Variants in PDE2A observed in about 807,000 individuals in gnomAD.
The protein encoded by PDE2A is cGMP-dependent 3',5'-cyclic phosphodiesterase.
Under a neutral mutation model 133.6 loss-of-function variants are expected in PDE2A, and 53 were observed. That is an observed-to-expected ratio of 0.40 (90% CI 0.32 to 0.50). The LOEUF (loss-of-function observed/expected upper bound fraction) is 0.50. Ranked by LOEUF, PDE2A falls within the 20% of genes least tolerant of loss-of-function variation. PDE2A has a pLI of 0.73. For missense variants in PDE2A, 796 were observed against 1,232.4 expected (o/e 0.65, Z 5.30); for synonymous variants, 491 against 490.2 (o/e 1.00, Z -0.02).
Position 72,631,130 on chromosome 11 carries a change from T to C in PDE2A, c.144+11124A>G. On this transcript the variant is annotated intron_variant, in intron 2 of 30. Coordinates refer to ENST00000334456, the MANE Select transcript of PDE2A (RefSeq NM_002599.5). Reference sequence around the variant, plus strand: ...GGGTCCTGGCTCCTTTGCAAGGGGGTCCAGGCTGGCTGCAGAGACAAGAAG... The same window carrying C: ...GGGTCCTGGCTCCTTTGCAAGGGGGCCCAGGCTGGCTGCAGAGACAAGAAG... The C allele has an allele frequency of 1.9e-6, 3 of 1,543,146 alleles. No homozygotes were observed. In the African/African-American group the frequency reaches 4.1e-5, roughly 21 times the overall value.
chr11:72,619,079 C>A (rs1462648975), intron 2 of PDE2A, among the ~76,000 whole-genome samples: 1 of 152,170 alleles, frequency 6.6e-6, no homozygotes, highest in Admixed American at 6.5e-5. Context: ...CACGCACACA[C>A]TGGGCTGGGT....
At chr11:72,650,876 TACACAC>T (rs58905066) in intron 1 of PDE2A, among the ~76,000 whole-genome samples, 12,148 of 130,092 alleles carry the variant, frequency 0.093, 652 homozygotes, top group African/African-American at 0.19. Flanking sequence ...CAGTCCCCAC[TACACAC>T]ACACACACAC....
In PDE2A at chr11:72,577,556, T is replaced by A. The variant is rs769222398; in HGVS notation, c.2654A>T (p.Tyr885Phe). 1 of 1,607,016 alleles carries A rather than the reference T, an allele frequency of 6.2e-7. No individual in the cohort carries two copies. Among genetic ancestry groups the A allele is most frequent in the South Asian group, 1.1e-5 (1 of 91,084 alleles). ...CTCACGGTTGGAGGCCACGCGCTCG[T>A]ACAGCTCTGCCGCTTTGGGGAACAG... ...QDLFPKAAELYERVASNREHW... is the reference protein window; with the variant it reads ...QDLFPKAAELFERVASNREHW... The change falls in exon 31 of 31, where the codon TAC (tyrosine) becomes TTC (phenylalanine). Residue 885 changes from tyrosine to phenylalanine, a missense_variant. Around this residue, in one of 7 missense-constraint regions of PDE2A, gnomAD observed 83 missense variants for 99.0 expected, o/e 0.84. Transcript: ENST00000334456.
intron 1 of PDE2A, among the ~76,000 whole-genome samples, chr11:72,645,868 C>T (rs1044252848): frequency 2.0e-5 from 3 of 152,356 alleles, no homozygotes; most frequent in Middle Eastern, 6.8e-3. Context: ...TCACACTTCA[C>T]AGATAAGGAA....
In PDE2A at chr11:72,580,989, A is replaced by C; in HGVS notation, c.2046-16T>G. 1 of 1,575,510 alleles carries C rather than the reference A, an allele frequency of 6.3e-7. No homozygotes were observed. The highest frequency in any genetic ancestry group is 8.7e-7 in the Non-Finnish European group (1 of 1,144,940). On this transcript the variant is annotated splice_polypyrimidine_tract_variant and intron_variant, in intron 23 of 30. Transcript: ENST00000334456. ...CTCGATGTCCCTGGTTGAGAGGCAGAAAGGAGAAAAAAAAGAGGTCAGCCC... is the reference window on the plus strand; with the variant it reads ...CTCGATGTCCCTGGTTGAGAGGCAGCAAGGAGAAAAAAAAGAGGTCAGCCC...
chr11:72,635,158 C>T (rs1858617482), intron 2 of PDE2A, among the ~76,000 whole-genome samples: 1 of 152,146 alleles, frequency 6.6e-6, no homozygotes, highest in Non-Finnish European at 1.5e-5. Context: ...ACCCTGCAAG[C>T]TTTGGGAGTG....
Position 72,579,520 on chromosome 11 carries a change from C to T in PDE2A, c.2256+14G>A, listed in dbSNP as rs1475341862. On this transcript the variant is annotated intron_variant, in intron 26 of 30. Transcript: ENST00000334456. ...GCTCCCCCTCAATCCCCACCCCACC[C>T]CCAACCCCATCACCTTCCGGGAGAA... is the stretch of plus-strand genomic sequence containing the variant. The T allele has an allele frequency of 3.2e-6, 5 of 1,544,022 alleles. No individual in the cohort carries two copies. Among genetic ancestry groups the T allele is most frequent in the South Asian group, 2.3e-5 (2 of 87,162 alleles).
At chr11:72,642,431 C>T in intron 1 of PDE2A, 105 bp from the exon 2 acceptor site, 1 of 1,217,984 alleles carries the variant, frequency 8.2e-7, no homozygotes, top group Non-Finnish European at 1.0e-6. Context: ...GTCAGCGCGT[C>T]CGCGACAGCT....
chr11:72,618,146 C>A (rs928542688), intron 2 of PDE2A, among the ~76,000 whole-genome samples: 2 of 152,224 alleles, frequency 1.3e-5, no homozygotes, highest in African/African-American at 2.4e-5. Context: ...CAGCACACAG[C>A]CTGGAGCAGG....
chr11:72,617,880 T>C (rs915963196), intron 2 of PDE2A, among the ~76,000 whole-genome samples: 1 of 152,194 alleles, frequency 6.6e-6, no homozygotes, highest in South Asian at 2.1e-4. Context: ...AGCACTTTTA[T>C]TGTTCCTAAA....
chr11:72,610,319 G>A (rs1004895486), intron 2 of PDE2A, among the ~76,000 whole-genome samples: 1 of 152,142 alleles, frequency 6.6e-6, no homozygotes, highest in Admixed American at 6.5e-5. Flanking sequence ...TGCTACAAAG[G>A]CATGCCACAG....
chr11:72,648,696 C>T (rs183844437), intron 1 of PDE2A, among the ~76,000 whole-genome samples: 2 of 152,260 alleles, frequency 1.3e-5, no homozygotes, highest in East Asian at 1.9e-4. Context: ...CCAGGGGGCT[C>T]GAGCCCCAGC....
rs1365166531 is a variant in PDE2A at position 72,674,156 on chromosome 11, C to T, written c.52G>A (p.Ala18Thr). ...SILCRSQQYP[A>T]ARPAEPRGQQ... ...ACTCACGGCTCAGCCGGTCGCGCTGCCGGGTACTGCTGGCTCCTGCAGAGG... is the reference window on the plus strand; with the variant it reads ...ACTCACGGCTCAGCCGGTCGCGCTGTCGGGTACTGCTGGCTCCTGCAGAGG... Residue 18 changes from alanine to threonine, a missense_variant, in exon 1 of 31, where the codon GCA becomes ACA. Transcript: ENST00000334456. 1.9e-6 allele frequency: 3 copies of T among 1,613,242 alleles called. No homozygotes were observed. The highest frequency in any genetic ancestry group is 2.2e-5 in the East Asian group (1 of 44,874).
chr11:72,664,200 C>A (rs1209862775), intron 1 of PDE2A, among the ~76,000 whole-genome samples: 2 of 152,082 alleles, frequency 1.3e-5, no homozygotes, highest in Non-Finnish European at 2.9e-5. Flanking sequence ...TCTGCCAACG[C>A]CCCTGGCCCC....
chr11:72,589,785 C>T lies in PDE2A; in HGVS notation c.839G>A (p.Gly280Glu). The stretch of plus-strand genomic sequence containing the variant: ...GACCTCTTCCCCGAGCACTTTGTCT[C>T]CGATGACCTGAGGAACGGAGTGCAG... Reference protein sequence around the residue: ...DNLQLSCKVIGDKVLGEEVSF... With the variant: ...DNLQLSCKVIEDKVLGEEVSF... Residue 280 changes from glycine to glutamate, a missense_variant, in exon 11 of 31, where the codon GGA becomes GAA. Gly to Glu is a moderately conservative substitution (Grantham distance 98, BLOSUM62 -2). This residue lies in a region of PDE2A where 417 missense variants were observed against 475.3 expected (regional missense o/e 0.88). Coordinates refer to ENST00000334456, the MANE Select transcript of PDE2A (RefSeq NM_002599.5). 1 of 1,613,880 alleles carries T rather than the reference C, an allele frequency of 6.2e-7. No homozygotes were observed. Among genetic ancestry groups the T allele is most frequent in the Non-Finnish European group, 8.5e-7 (1 of 1,179,940 alleles).
Position 72,584,734 on chromosome 11 carries a change from G to T in PDE2A, c.1360-6C>A. ...GGGATGCGGATCTCATAGCTCTGCC[G>T]GAGCAGAGATGGAGTCGAGAGGAAG... is the stretch of plus-strand genomic sequence containing the variant. On this transcript the variant is annotated splice_polypyrimidine_tract_variant and splice_region_variant and intron_variant, in intron 17 of 30. Transcript: ENST00000334456. The T allele has an allele frequency of 6.2e-7, 1 of 1,613,018 alleles. No homozygotes were observed. Among genetic ancestry groups the T allele is most frequent in the Non-Finnish European group, 8.5e-7 (1 of 1,179,812 alleles).
At chr11:72,658,053 C>A (rs1443985694) in intron 1 of PDE2A, 2 of 456,160 alleles carry the variant, frequency 4.4e-6, no homozygotes, top group Non-Finnish European at 8.8e-6. Context: ...AAATGTAACT[C>A]ATTTAATCCT....
chr11:72,674,026 T>C, intron 1 of PDE2A, 111 bp downstream of exon 1: 1 of 1,091,418 alleles, frequency 9.2e-7, no homozygotes. Context: ...GGATCGATCC[T>C]TCCACGTGGC....
At chr11:72,599,712 A>G (rs897203030) in intron 4 of PDE2A, among the ~76,000 whole-genome samples, 4 of 152,220 alleles carry the variant, frequency 2.6e-5, no homozygotes, top group Non-Finnish European at 5.9e-5. Flanking sequence ...CTCGGGGAGC[A>G]TTCTACTTAA....
Sources: gnomAD v4.1 joint callset for allele counts (sites outside exome capture counted in the v4.1 genomes callset) on GRCh38, gnomAD v4.1.1 for gene constraint, gnomAD v4.1.1 regional missense constraint, MANE v1.5 for transcripts, NCBI Gene and HGNC (gene_info 2026-07-23, HGNC 2026-07-21) for gene names.